The following PLXNC1 variants were observed in gnomAD, a reference collection of about 807,000 sequenced individuals.
PLXNC1 encodes plexin-C1.
PLXNC1 carries 75 observed loss-of-function variants against 178.2 expected under a neutral mutation model. The observed-to-expected ratio is 0.42, with a 90% CI of 0.35 to 0.51. PLXNC1 has a LOEUF of 0.51. Among genes scored for constraint, PLXNC1 ranks in the 20% least tolerant of loss-of-function variants. The pLI is 0.02. For synonymous variants in PLXNC1, 790 were observed against 779.9 expected (o/e 1.01, Z -0.22); for missense variants, 1,503 against 1,984.4 (o/e 0.76, Z 4.61).
chr12:94,168,841 C>A (rs1961730285), intron 1 of PLXNC1, among the ~76,000 whole-genome samples: 1 of 152,186 alleles, frequency 6.6e-6, no homozygotes, highest in Non-Finnish European at 1.5e-5. Context: ...CAGCGGTGGG[C>A]TGTCTCTTGG....
chr12:94,150,104 C>A (rs977219320), intron 1 of PLXNC1, 71 bp downstream of exon 1: 6 of 1,279,376 alleles, frequency 4.7e-6, no homozygotes, highest in East Asian at 2.7e-5. Context: ...CGAGGCAGAA[C>A]GAGCTGGGGG....
At chr12:94,261,398 A>C (rs1964984643) in intron 20 of PLXNC1, among the ~76,000 whole-genome samples, 1 of 152,252 alleles carries the variant, frequency 6.6e-6, no homozygotes, top group Admixed American at 6.5e-5. Context: ...CCAGTGGAGA[A>C]GAGGGTGGGC....
Position 94,298,649 on chromosome 12 carries a change from G to A in PLXNC1, c.4092G>A (p.Val1364=), listed in dbSNP as rs192781584. 4.4e-6 allele frequency: 7 copies of A among 1,598,800 alleles called. No homozygotes were observed. In the Admixed American group the frequency reaches 1.3e-4, roughly 29 times the overall value. The change falls in exon 27 of 31, where the codon GTG becomes GTA. Residue 1364 remains valine (V), a synonymous_variant. Transcript: ENST00000258526. The stretch of plus-strand genomic sequence containing the variant: ...TCTTTCAGGTGGCAATTCATTCTGT[G>A]CTTGAAAAACTTTTTAGAAGCATTT... ...LLSTKVAIHS[V]LEKLFRSIWS...
At chr12:94,303,633 G>C in intron 28 of PLXNC1, 123 bp from the exon 29 acceptor site, 3 of 750,854 alleles carry the variant, frequency 4.0e-6, no homozygotes, top group Non-Finnish European at 6.0e-6. Context: ...TTGTTAGCAA[G>C]AGGTAAAACT....
At chr12:94,213,648 T>C (rs1963559115) in intron 5 of PLXNC1, among the ~76,000 whole-genome samples, 1 of 152,232 alleles carries the variant, frequency 6.6e-6, no homozygotes, top group Non-Finnish European at 1.5e-5. Context: ...CAGAAGCTCT[T>C]TAGTTTAATT....
At chr12:94,290,763 C>A (rs1967231511) in intron 23 of PLXNC1, among the ~76,000 whole-genome samples, 1 of 152,218 alleles carries the variant, frequency 6.6e-6, no homozygotes, top group Non-Finnish European at 1.5e-5. Context: ...TCCACTCTTT[C>A]CAAACTGGGA....
chr12:94,149,673 C>G lies in PLXNC1; in HGVS notation c.702C>G (p.Phe234Leu). The G allele has an allele frequency of 6.2e-7, 1 of 1,609,536 alleles. No homozygotes were observed. The highest frequency in any genetic ancestry group is 8.5e-7 in the Non-Finnish European group (1 of 1,178,156). The stretch of plus-strand genomic sequence containing the variant: ...GCGAGGGCGCGGGCAGCCTGCACTT[C>G]GTGGACGCCTTTCTCTGGAACGGCA... ...KLCEGAGSLH[F>L]VDAFLWNGSI... Residue 234 changes from phenylalanine (F) to leucine (L), a missense_variant, in exon 1 of 31, where the codon TTC (phenylalanine) becomes TTG (leucine). Physicochemically the swap from Phe to Leu is conservative, Grantham distance 22. This residue lies in a region of PLXNC1 where 615 missense variants were observed against 698.6 expected (regional missense o/e 0.88). Transcript: ENST00000258526.
intron 23 of PLXNC1, among the ~76,000 whole-genome samples, chr12:94,291,492 A>G (rs1288894484): frequency 6.6e-6 from 1 of 152,206 alleles, no homozygotes; most frequent in African/African-American, 2.4e-5. Flanking sequence ...TGGCTTCCCA[A>G]AGAGCTGGGA....
At chr12:94,282,675 A>G in intron 23 of PLXNC1, 3 of 288,996 alleles carry the variant, frequency 1.0e-5, no homozygotes, top group Non-Finnish European at 2.0e-5. Flanking sequence ...AACCCAGGAA[A>G]AAAGTCTAGG....
intron 5 of PLXNC1, among the ~76,000 whole-genome samples, chr12:94,218,537 C>G (rs1963707449): frequency 6.6e-6 from 1 of 152,172 alleles, no homozygotes; most frequent in African/African-American, 2.4e-5. Context: ...CCCATCAGAT[C>G]CCATCATGCG....
chr12:94,297,305 C>G lies in PLXNC1; in HGVS notation c.3967-11C>G. On this transcript the variant is annotated splice_polypyrimidine_tract_variant and intron_variant, in intron 25 of 30. Transcript: ENST00000258526. Reference sequence around the variant, plus strand: ...TCTCCTTGGGTAACGCTTCTGCTGTCTTCCCTTCAGATTTTACCAGATTCG... The same window carrying G: ...TCTCCTTGGGTAACGCTTCTGCTGTGTTCCCTTCAGATTTTACCAGATTCG... 2 of 1,612,872 alleles carry G rather than the reference C, an allele frequency of 1.2e-6. No homozygotes were observed. Among genetic ancestry groups the G allele is most frequent in the South Asian group, 1.1e-5 (1 of 91,046 alleles).
intron 3 of PLXNC1, among the ~76,000 whole-genome samples, chr12:94,185,196 G>A (rs1473841998): frequency 6.6e-6 from 1 of 152,202 alleles, no homozygotes; most frequent in Non-Finnish European, 1.5e-5. Context: ...CGGGCTGCCA[G>A]CTGCATCTGT....
At chr12:94,286,616 CA>C (rs61238982) in intron 23 of PLXNC1, among the ~76,000 whole-genome samples, 9,397 of 101,176 alleles carry the variant, frequency 0.093, 180 homozygotes, top group Admixed American at 0.12. Flanking sequence ...TGCTTAAAAG[CA>C]AAAAAAAAAA....
At chr12:94,256,477 C>G (rs923347614) in intron 17 of PLXNC1, among the ~76,000 whole-genome samples, 3 of 148,842 alleles carry the variant, frequency 2.0e-5, no homozygotes, top group Non-Finnish European at 4.5e-5. Context: ...ACTTATCCTC[C>G]AAGAGTACCG....
intron 17 of PLXNC1, among the ~76,000 whole-genome samples, chr12:94,258,126 C>CA (rs1022858745): frequency 1.3e-5 from 2 of 152,024 alleles, no homozygotes; most frequent in African/African-American, 2.4e-5. Context: ...GACTCCGTCT[C>CA]AAAAAAACAA....
At chr12:94,172,401 T>C (rs1173115166) in intron 2 of PLXNC1, among the ~76,000 whole-genome samples, 1 of 152,238 alleles carries the variant, frequency 6.6e-6, no homozygotes, top group African/African-American at 2.4e-5. Context: ...ACCTGACTTC[T>C]TAAATCTCTG....
At chr12:94,239,045 T>C (rs1964312549) in intron 10 of PLXNC1, among the ~76,000 whole-genome samples, 1 of 152,188 alleles carries the variant, frequency 6.6e-6, no homozygotes, top group Non-Finnish European at 1.5e-5. Flanking sequence ...AAATAAGTAG[T>C]TTTTCGGAGC....
intron 2 of PLXNC1, among the ~76,000 whole-genome samples, chr12:94,171,670 T>C (rs570279392): frequency 6.6e-6 from 1 of 152,298 alleles, no homozygotes; most frequent in South Asian, 2.1e-4. Context: ...ATGGGAGACA[T>C]GCAGATAGGG....
chr12:94,164,030 G>T (rs950965247), intron 1 of PLXNC1, among the ~76,000 whole-genome samples: 4 of 149,910 alleles, frequency 2.7e-5, no homozygotes, highest in South Asian at 2.1e-4. Context: ...CCATTTTACA[G>T]ATACAGTCAC....
Sources: gnomAD v4.1 joint callset for allele counts (sites outside exome capture counted in the v4.1 genomes callset) on GRCh38, gnomAD v4.1.1 for gene constraint, gnomAD v4.1.1 regional missense constraint, MANE v1.5 for transcripts, NCBI Gene and HGNC (gene_info 2026-07-23, HGNC 2026-07-21) for gene names.